ZMAT4: variants seen among roughly 807,000 people sequenced by gnomAD.
ZMAT4 encodes the protein zinc finger matrin-type protein 4.
Under a neutral mutation model 28.7 loss-of-function variants are expected in ZMAT4, and 17 were observed. The ratio of observed to expected loss-of-function variants is 0.59; its 90% CI spans 0.41 to 0.89. The LOEUF (loss-of-function observed/expected upper bound fraction) is 0.89, where lower values mean the gene tolerates loss of function less well. Among genes scored for constraint, ZMAT4 ranks in the 40% least tolerant of loss-of-function variants. The pLI, the probability that ZMAT4 is intolerant of heterozygous loss-of-function variation, is 0.00. For missense variants in ZMAT4, 240 were observed against 283.8 expected (o/e 0.85, Z 1.11); for synonymous variants, 117 against 109.2 (o/e 1.07, Z -0.44).
chr8:40,764,254 C>G (rs1813053723), intron 3 of ZMAT4, among the ~76,000 whole-genome samples: 1 of 145,944 alleles, frequency 6.9e-6, no homozygotes. Flanking sequence ...GGAAAAATGT[C>G]TTCCAGGGGG....
intron 3 of ZMAT4, among the ~76,000 whole-genome samples, chr8:40,700,700 A>G (rs1371846196): frequency 6.6e-6 from 1 of 152,108 alleles, no homozygotes; most frequent in African/African-American, 2.4e-5. Context: ...CTGGGATTGT[A>G]GGAGTGAGCC....
intron 6 of ZMAT4, among the ~76,000 whole-genome samples, chr8:40,539,110 TC>T (rs1276029946): frequency 6.6e-6 from 1 of 152,212 alleles, no homozygotes; most frequent in Non-Finnish European, 1.5e-5. Context: ...TAAGTGCTTT[TC>T]TTTATTGTTT....
chr8:40,542,328 C>T (rs570480666), intron 6 of ZMAT4, among the ~76,000 whole-genome samples: 9 of 152,070 alleles, frequency 5.9e-5, no homozygotes, highest in East Asian at 3.9e-4. Flanking sequence ...GGCCTATGAG[C>T]GGTAGAAAAA....
At chr8:40,827,784 G>T (rs1360391345) in intron 1 of ZMAT4, among the ~76,000 whole-genome samples, 2 of 152,184 alleles carry the variant, frequency 1.3e-5, no homozygotes, top group Admixed American at 1.3e-4. Flanking sequence ...GTGCCTGCAG[G>T]TTCACCTCCT....
intron 1 of ZMAT4, among the ~76,000 whole-genome samples, chr8:40,838,110 C>A (rs889756354): frequency 6.6e-6 from 1 of 152,200 alleles, no homozygotes; most frequent in African/African-American, 2.4e-5. Flanking sequence ...CTGGCAACAG[C>A]CCTGATGCTG....
At chr8:40,667,413 C>T (rs756448384) in intron 5 of ZMAT4, among the ~76,000 whole-genome samples, 14 of 152,150 alleles carry the variant, frequency 9.2e-5, no homozygotes, top group Admixed American at 1.3e-4. Flanking sequence ...CTTGGCCTCC[C>T]AAAGTGCTGG....
At chr8:40,878,901 T>C (rs1411563361) in intron 1 of ZMAT4, among the ~76,000 whole-genome samples, 1 of 152,168 alleles carries the variant, frequency 6.6e-6, no homozygotes, top group Non-Finnish European at 1.5e-5. Flanking sequence ...TGCTTTTTTG[T>C]TTTAAGAAAC....
intron 6 of ZMAT4, among the ~76,000 whole-genome samples, chr8:40,545,813 T>C (rs1803183911): frequency 6.6e-6 from 1 of 152,090 alleles, no homozygotes. Flanking sequence ...TACTTTGTTA[T>C]GGCAGCCCTA....
At chr8:40,886,165 C>G (rs921221992) in intron 1 of ZMAT4, among the ~76,000 whole-genome samples, 1 of 152,202 alleles carries the variant, frequency 6.6e-6, no homozygotes, top group African/African-American at 2.4e-5. Context: ...AGAACAGAGC[C>G]ATGGCTCAGA....
At position 40,836,060 on chromosome 8, in the gene ZMAT4, C is replaced by T. The variant is rs143978071; in HGVS notation, c.-4-10380G>A. The stretch of plus-strand genomic sequence containing the variant: ...TACAAATCTCTACACAGCAGCCTCC[C>T]CCGTCCATGAAATCTTTCCGTTAGA... On this transcript the variant is annotated intron_variant, in intron 1 of 6. Coordinates refer to ENST00000297737, the MANE Select transcript of ZMAT4 (RefSeq NM_024645.3). Among the ~76,000 whole-genome samples the T allele has an allele frequency of 1.4e-4, 21 of 152,292 alleles. No homozygotes were observed. In the East Asian group the frequency reaches 3.9e-3, roughly 28 times the overall value.
intron 5 of ZMAT4, among the ~76,000 whole-genome samples, chr8:40,658,243 C>T (rs1174346297): frequency 2.6e-5 from 4 of 152,074 alleles, no homozygotes; most frequent in Non-Finnish European, 5.9e-5. Flanking sequence ...CAGTATTAGT[C>T]TCTATTGATT....
chr8:40,616,240 G>A (rs946684191), intron 5 of ZMAT4, among the ~76,000 whole-genome samples: 2 of 152,100 alleles, frequency 1.3e-5, no homozygotes, highest in African/African-American at 2.4e-5. Flanking sequence ...GGAAACAACA[G>A]TGCTGGAGAG....
intron 5 of ZMAT4, among the ~76,000 whole-genome samples, chr8:40,673,269 A>G (rs1015512836): frequency 1.3e-5 from 2 of 152,178 alleles, no homozygotes; most frequent in African/African-American, 2.4e-5. Context: ...TGCAACCAAC[A>G]TATTAAGAAG....
At chr8:40,871,289 A>G (rs1408534496) in intron 1 of ZMAT4, among the ~76,000 whole-genome samples, 2 of 152,224 alleles carry the variant, frequency 1.3e-5, no homozygotes, top group Non-Finnish European at 2.9e-5. Flanking sequence ...CACAATGTCC[A>G]AAGACTCCTT....
Position 40,535,341 on chromosome 8 carries a change from G to T in ZMAT4, c.675-3103C>A, listed in dbSNP as rs148051422. The stretch of plus-strand genomic sequence containing the variant: ...GATTCTCTGACCTGGTTTTGAGACA[G>T]AAATCTTAAGATAGACTAGTAACAA... On this transcript the variant is annotated intron_variant, in intron 6 of 6. Transcript: ENST00000297737. Among the ~76,000 whole-genome samples, 33 of 152,244 alleles carry T rather than the reference G, an allele frequency of 2.2e-4. No homozygotes were observed. In the East Asian group the frequency reaches 5.2e-3, roughly 24 times the overall value.
At chr8:40,642,403 G>T (rs1807074801) in intron 5 of ZMAT4, among the ~76,000 whole-genome samples, 1 of 152,196 alleles carries the variant, frequency 6.6e-6, no homozygotes, top group South Asian at 2.1e-4. Context: ...AATCATTGTG[G>T]CTGAGAGGGA....
intron 5 of ZMAT4, among the ~76,000 whole-genome samples, chr8:40,600,048 CAAT>C (rs777696528): frequency 2.0e-5 from 3 of 152,224 alleles, no homozygotes; most frequent in Non-Finnish European, 2.9e-5. Flanking sequence ...CTTCAAACAA[CAAT>C]GTCATCTCAA....
chr8:40,731,789 T>G (rs1176891651), intron 3 of ZMAT4, among the ~76,000 whole-genome samples: 4 of 152,208 alleles, frequency 2.6e-5, no homozygotes, highest in African/African-American at 4.8e-5. Context: ...CACAGCAGCT[T>G]GACTCACAAC....
At chr8:40,607,692 C>T (rs1805646089) in intron 5 of ZMAT4, among the ~76,000 whole-genome samples, 1 of 152,116 alleles carries the variant, frequency 6.6e-6, no homozygotes, top group Non-Finnish European at 1.5e-5. Flanking sequence ...TCAAGGGGTG[C>T]TATTCAGATT....
Sources: allele counts gnomAD v4.1 joint callset (sites outside exome capture counted in the v4.1 genomes callset), GRCh38; gene constraint gnomAD v4.1.1; transcripts MANE v1.5; gene names NCBI Gene and HGNC (gene_info 2026-07-23, HGNC 2026-07-21).